Variants in FAM20B observed in about 807,000 individuals in gnomAD.
FAM20B encodes FAM20B glycosaminoglycan xylosylkinase.
In FAM20B, 23 loss-of-function variants were observed where a neutral mutation model predicts 43.8. The ratio of observed to expected loss-of-function variants is 0.53; its 90% CI spans 0.38 to 0.74. The LOEUF (loss-of-function observed/expected upper bound fraction) is 0.74, where lower values mean the gene tolerates loss of function less well. FAM20B is among the 30% of genes least tolerant of loss of function. The pLI, the probability that FAM20B is intolerant of heterozygous loss-of-function variation, is 0.00. For synonymous variants in FAM20B, 178 were observed against 192.4 expected, an observed-to-expected ratio of 0.93 and a Z score of 0.62; for missense variants, 440 against 510.5, an observed-to-expected ratio of 0.86 and a Z score of 1.33.
chr1:179,028,317 C>T (rs543136671), intron 1 of FAM20B, among the ~76,000 whole-genome samples: 6 of 152,326 alleles, frequency 3.9e-5, no homozygotes, highest in East Asian at 3.9e-4. Context: ...GGCGCGGTGG[C>T]TTATGCCTGT....
chr1:179,054,437 C>A, intron 3 of FAM20B, 92 bp from the exon 4 acceptor site: 1 of 764,290 alleles, frequency 1.3e-6, no homozygotes, highest in Non-Finnish European at 2.3e-6. Context: ...ACCCTTTACA[C>A]ATTTGACATG....
chr1:179,050,197 A>T, intron 2 of FAM20B, 82 bp from the exon 3 acceptor site: 1 of 912,536 alleles, frequency 1.1e-6, no homozygotes, highest in East Asian at 2.4e-5. Flanking sequence ...AGGCTTGCTA[A>T]TGGGTGTATT....
In FAM20B at chr1:179,037,479, CT is replaced by C. The variant is rs768903406; in HGVS notation, c.-133-6215del. Among the ~76,000 whole-genome samples the C allele has an allele frequency of 7.5e-3, 666 of 88,308 alleles. 4 individuals carry two copies. Among genetic ancestry groups the C allele is most frequent in the African/African-American group, 0.03 (623 of 21,068 alleles). 57.9% of individuals were successfully genotyped at this position (88,308 alleles called of 152,430 possible). A position where few individuals can be genotyped will look rare whatever the true frequency, so the allele number is the denominator to read the frequency against. On this transcript the variant is annotated intron_variant, in intron 1 of 7. Transcript: ENST00000263733. ...GCTTGCTTGCTTTCTGTATGTCGGT[CT>C]TTTTTTTTTTTTTTTTTTTTGTGAG...
intron 1 of FAM20B, among the ~76,000 whole-genome samples, chr1:179,040,946 CCGGG>C (rs1557869299): frequency 6.7e-6 from 1 of 150,066 alleles, no homozygotes; most frequent in African/African-American, 2.5e-5. Flanking sequence ...GGGGTCACGG[CCGGG>C]CAGAGGCGCT....
At chr1:179,042,829 G>A (rs1337734434) in intron 1 of FAM20B, among the ~76,000 whole-genome samples, 7 of 152,276 alleles carry the variant, frequency 4.6e-5, no homozygotes, top group Admixed American at 2.0e-4. Context: ...CAGGTTGTCC[G>A]GATATCTGTT....
intron 1 of FAM20B, among the ~76,000 whole-genome samples, chr1:179,043,259 G>C: frequency 6.6e-6 from 1 of 152,326 alleles, no homozygotes; most frequent in East Asian, 1.9e-4. Flanking sequence ...TACAGGTCAC[G>C]ACATCACCTG....
chr1:179,071,183 C>T (rs1305122773), intron 7 of FAM20B, among the ~76,000 whole-genome samples: 1 of 151,910 alleles, frequency 6.6e-6, no homozygotes, highest in Non-Finnish European at 1.5e-5. Context: ...GTAGTCCCAG[C>T]TACTCAGGAG....
At chr1:179,054,369 AC>A (rs1287482792) in intron 3 of FAM20B, among the ~76,000 whole-genome samples, 159 bp from the exon 4 acceptor site, 2 of 152,148 alleles carry the variant, frequency 1.3e-5, no homozygotes, top group African/African-American at 4.8e-5. Context: ...ACACACCTTC[AC>A]ATTAAATTCC....
chr1:179,061,774 G>A (rs1651474872), intron 4 of FAM20B, among the ~76,000 whole-genome samples: 1 of 151,952 alleles, frequency 6.6e-6, no homozygotes, highest in African/African-American at 2.4e-5. Context: ...TCTGTTGAAG[G>A]GTAGAACTCC....
At chr1:179,043,659 CAG>C (rs1650637426) in intron 1 of FAM20B, 54 bp from the exon 2 acceptor site, 1 of 537,632 alleles carries the variant, frequency 1.9e-6, no homozygotes, top group African/African-American at 1.9e-5. Context: ...ACAAAAGATT[CAG>C]GGGTGGAAGG....
At chr1:179,027,831 C>T (rs1649852649) in intron 1 of FAM20B, among the ~76,000 whole-genome samples, 1 of 152,202 alleles carries the variant, frequency 6.6e-6, no homozygotes, top group Admixed American at 6.5e-5. Flanking sequence ...AACACATACA[C>T]TGCTTTTCTT....
chr1:179,046,953 C>T (rs772021889), intron 2 of FAM20B, among the ~76,000 whole-genome samples: 15 of 152,240 alleles, frequency 9.9e-5, no homozygotes, highest in Non-Finnish European at 2.2e-4. Context: ...CGAGATCACG[C>T]CATTGCACTC....
chr1:179,058,164 T>C (rs565513453), intron 4 of FAM20B, among the ~76,000 whole-genome samples: 2 of 152,380 alleles, frequency 1.3e-5, no homozygotes, highest in South Asian at 4.1e-4. Context: ...TGCTTTGTTA[T>C]TTAACACATT....
chr1:179,049,125 A>G (rs1028223224), intron 2 of FAM20B, among the ~76,000 whole-genome samples: 4 of 152,238 alleles, frequency 2.6e-5, no homozygotes, highest in Admixed American at 6.5e-5. Flanking sequence ...TTTAAATTCT[A>G]TCTTTTAAAA....
intron 1 of FAM20B, among the ~76,000 whole-genome samples, chr1:179,026,753 C>T (rs1033512761): frequency 3.9e-5 from 6 of 152,218 alleles, no homozygotes; most frequent in African/African-American, 1.2e-4. Context: ...CCGGGTGTGA[C>T]GGCCCCGCGA....
intron 2 of FAM20B, among the ~76,000 whole-genome samples, chr1:179,047,058 G>A (rs999437862): frequency 6.6e-6 from 1 of 152,200 alleles, no homozygotes; most frequent in Non-Finnish European, 1.5e-5. Context: ...GGGGAGTTGG[G>A]ACAGCAGGAA....
At chr1:179,066,921 G>C in intron 7 of FAM20B, 62 bp downstream of exon 7, 1 of 1,209,102 alleles carries the variant, frequency 8.3e-7, no homozygotes, top group East Asian at 2.3e-5. Flanking sequence ...TCAGGTAACA[G>C]TACATCCATT....
At chr1:179,033,970 G>C (rs1235611112) in intron 1 of FAM20B, among the ~76,000 whole-genome samples, 1 of 152,184 alleles carries the variant, frequency 6.6e-6, no homozygotes, top group Non-Finnish European at 1.5e-5. Flanking sequence ...GGGATTACAG[G>C]TGTGAGCCAC....
intron 1 of FAM20B, among the ~76,000 whole-genome samples, chr1:179,032,625 ATT>A (rs1307577851): frequency 1.3e-5 from 2 of 152,202 alleles, no homozygotes; most frequent in African/African-American, 2.4e-5. Context: ...GAAAGCTTAT[ATT>A]TAAAATAAGA....
Sources: gnomAD v4.1 joint callset for allele counts (sites outside exome capture counted in the v4.1 genomes callset) on GRCh38, gnomAD v4.1.1 for gene constraint, MANE v1.5 for transcripts, NCBI Gene and HGNC (gene_info 2026-07-23, HGNC 2026-07-21) for gene names.